Variants in NCAM2 observed in about 807,000 individuals in gnomAD.
The protein encoded by NCAM2 is N-CAM-2.
Under a neutral mutation model 98.1 loss-of-function variants are expected in NCAM2, and 30 were observed. The ratio of observed to expected loss-of-function variants is 0.31; its 90% CI spans 0.23 to 0.41. The LOEUF is 0.41. Ranked by LOEUF, NCAM2 falls within the 10% of genes least tolerant of loss-of-function variation. The pLI is 1.00. For synonymous variants in NCAM2, 368 were observed against 342.4 expected (o/e 1.07, Z -0.83); for missense variants, 867 against 1,005.8 (o/e 0.86, Z 1.87).
chr21:21,245,464 A>G (rs1419646874), intron 1 of NCAM2, among the ~76,000 whole-genome samples: 1 of 152,146 alleles, frequency 6.6e-6, no homozygotes, highest in Non-Finnish European at 1.5e-5. Context: ...TTGGATGTAC[A>G]TGGGAAGTTG....
intron 1 of NCAM2, among the ~76,000 whole-genome samples, chr21:21,133,153 T>C (rs1476638654): frequency 6.6e-6 from 1 of 152,220 alleles, no homozygotes; most frequent in Non-Finnish European, 1.5e-5. Flanking sequence ...GCAATCATTT[T>C]AGTAACAGTA....
intron 1 of NCAM2, among the ~76,000 whole-genome samples, chr21:21,010,902 A>G (rs919427734): frequency 6.6e-6 from 1 of 152,128 alleles, no homozygotes; most frequent in Non-Finnish European, 1.5e-5. Context: ...ATACTCAAAG[A>G]CTAATCACTG....
At chr21:21,307,330 C>A (rs2073915130) in intron 5 of NCAM2, among the ~76,000 whole-genome samples, 1 of 152,034 alleles carries the variant, frequency 6.6e-6, no homozygotes, top group African/African-American at 2.4e-5. Flanking sequence ...TGCACTACTT[C>A]ACATATAATG....
chr21:21,400,455 T>G (rs1464845997), intron 9 of NCAM2, among the ~76,000 whole-genome samples: 1 of 152,150 alleles, frequency 6.6e-6, no homozygotes, highest in African/African-American at 2.4e-5. Context: ...TGCACAATTT[T>G]TATTAATTAT....
chr21:21,015,605 G>T (rs1235621227), intron 1 of NCAM2, among the ~76,000 whole-genome samples: 1 of 152,124 alleles, frequency 6.6e-6, no homozygotes, highest in Non-Finnish European at 1.5e-5. Flanking sequence ...AAAAAAAATT[G>T]TGTTACTTAG....
At chr21:21,221,839 A>G (rs1202296677) in intron 1 of NCAM2, among the ~76,000 whole-genome samples, 1 of 152,148 alleles carries the variant, frequency 6.6e-6, no homozygotes, top group African/African-American at 2.4e-5. Context: ...GTGTAGGTGA[A>G]ATAACATTCT....
Position 21,364,915 on chromosome 21 carries a change from A to G in NCAM2, c.1045-8948A>G, listed in dbSNP as rs898920975. ...ATGAACTTAAAAATCCTCAGCAACA[A>G]CAAAACAAAATGTACAATGTGATGG... On this transcript the variant is annotated intron_variant, in intron 8 of 17. Transcript: ENST00000400546. Among the ~76,000 whole-genome samples the G allele has an allele frequency of 2.0e-5, 3 of 152,098 alleles. No individual in the cohort carries two copies. In the South Asian group the frequency reaches 6.2e-4, roughly 32 times the overall value.
intron 1 of NCAM2, among the ~76,000 whole-genome samples, chr21:21,259,315 C>T (rs535555324): frequency 6.6e-6 from 1 of 152,152 alleles, no homozygotes; most frequent in African/African-American, 2.4e-5. Flanking sequence ...ATTCATGGTC[C>T]ACAGCCACAC....
intron 5 of NCAM2, among the ~76,000 whole-genome samples, chr21:21,320,243 T>A (rs949100945): frequency 5.9e-5 from 9 of 152,198 alleles, no homozygotes; most frequent in African/African-American, 2.2e-4. Flanking sequence ...CCAAATCAGT[T>A]GACACTGAAG....
At chr21:21,499,047 T>C (rs1168574051) in intron 15 of NCAM2, among the ~76,000 whole-genome samples, 1 of 152,080 alleles carries the variant, frequency 6.6e-6, no homozygotes, top group African/African-American at 2.4e-5. Context: ...AATTTTATAG[T>C]GTCAATTAGG....
intron 1 of NCAM2, among the ~76,000 whole-genome samples, chr21:21,146,018 A>G (rs531869303): frequency 2.6e-5 from 4 of 152,332 alleles, no homozygotes; most frequent in African/African-American, 9.6e-5. Flanking sequence ...TTCTGCCTGG[A>G]AACTTTTGCA....
intron 9 of NCAM2, among the ~76,000 whole-genome samples, chr21:21,400,441 G>A (rs1437138629): frequency 2.0e-5 from 3 of 151,910 alleles, no homozygotes; most frequent in Non-Finnish European, 4.4e-5. Flanking sequence ...GGTCTATATA[G>A]TAATGCACAA....
intron 1 of NCAM2, among the ~76,000 whole-genome samples, chr21:21,093,388 C>G (rs1394780487): frequency 6.6e-6 from 1 of 152,046 alleles, no homozygotes. Flanking sequence ...ATCCTCAAAC[C>G]TCTCGTCTTC....
At chr21:21,423,914 T>C (rs1386241935) in intron 11 of NCAM2, among the ~76,000 whole-genome samples, 1 of 152,150 alleles carries the variant, frequency 6.6e-6, no homozygotes, top group Non-Finnish European at 1.5e-5. Context: ...TTAAACTGGA[T>C]CAATTGAATA....
At chr21:21,377,860 CT>C (rs773792563) in intron 9 of NCAM2, among the ~76,000 whole-genome samples, 5 of 151,932 alleles carry the variant, frequency 3.3e-5, no homozygotes, top group Non-Finnish European at 7.4e-5. Context: ...ACCCCAGCCT[CT>C]GCTGACATCA....
intron 15 of NCAM2, among the ~76,000 whole-genome samples, chr21:21,486,394 TATA>T (rs1741521683): frequency 1.3e-5 from 2 of 149,030 alleles, no homozygotes; most frequent in Admixed American, 1.3e-4. Flanking sequence ...ATTATGGAAA[TATA>T]ATCCATTTAT....
intron 4 of NCAM2, among the ~76,000 whole-genome samples, 187 bp from the exon 5 acceptor site, chr21:21,291,917 C>T (rs181758731): frequency 6.7e-6 from 1 of 149,740 alleles, no homozygotes; most frequent in East Asian, 2.0e-4. Flanking sequence ...AAAGGTGTAA[C>T]AAAGCAGTGT....
chr21:21,352,737 T>TCTTC (rs1165490251), intron 8 of NCAM2, among the ~76,000 whole-genome samples: 127 of 149,126 alleles, frequency 8.5e-4, no homozygotes, highest in African/African-American at 2.9e-3. Flanking sequence ...AGTTATACAT[T>TCTTC]TAGAAGAATG....
At chr21:21,474,259 C>G (rs1984858447) in intron 14 of NCAM2, among the ~76,000 whole-genome samples, 1 of 152,002 alleles carries the variant, frequency 6.6e-6, no homozygotes, top group African/African-American at 2.4e-5. Context: ...TTGATTTATG[C>G]TGGGAACATG....
Sources: gnomAD v4.1 joint callset for allele counts (sites outside exome capture counted in the v4.1 genomes callset) on GRCh38, gnomAD v4.1.1 for gene constraint, MANE v1.5 for transcripts, NCBI Gene and HGNC (gene_info 2026-07-23, HGNC 2026-07-21) for gene names.